The following FAM83G variants were observed in gnomAD, a reference collection of about 807,000 sequenced individuals.
The protein encoded by FAM83G is scaffolding CK1 anchoring protein G.
A neutral mutation model predicts 61.5 loss-of-function variants in FAM83G; 38 were observed. That is an observed-to-expected ratio of 0.62 (90% CI 0.48 to 0.81). The LOEUF is 0.81. Among genes scored for constraint, FAM83G ranks in the 30% least tolerant of loss-of-function variants. FAM83G has a pLI of 0.00. For synonymous variants in FAM83G, 470 were observed against 476.1 expected (o/e 0.99, Z 0.17); for missense variants, 989 against 1,133.6 (o/e 0.87, Z 1.83).
At chr17:18,990,479 G>A (rs1225862353) in intron 2 of FAM83G, among the ~76,000 whole-genome samples, 3 of 152,206 alleles carry the variant, frequency 2.0e-5, no homozygotes, top group South Asian at 2.1e-4. Context: ...TAATGAGGGC[G>A]CAGTAGGCAT....
Position 18,978,670 on chromosome 17 carries a change from G to A in FAM83G, c.996C>T (p.Val332=). ...EPEPIVLPSV[V]PLVPAGTVAK... Reference sequence around the variant, plus strand: ...CCACAGTGCCCGCGGGCACCAGGGGGACCACAGAGGGCAGCACAATAGGCT... The same window carrying A: ...CCACAGTGCCCGCGGGCACCAGGGGAACCACAGAGGGCAGCACAATAGGCT... The change falls in exon 5 of 6, where the codon GTC becomes GTT. Residue 332 remains valine (V), a synonymous_variant. Transcript: ENST00000388995. 6.2e-7 allele frequency: 1 copy of A among 1,613,010 alleles called. No individual in the cohort carries two copies.
intron 4 of FAM83G, 120 bp downstream of exon 4, chr17:18,979,429 G>T: frequency 1.6e-6 from 2 of 1,268,348 alleles, no homozygotes; most frequent in Non-Finnish European, 2.2e-6. Flanking sequence ...CCAGCCCTGC[G>T]CACACCTCAG....
intron 3 of FAM83G, among the ~76,000 whole-genome samples, chr17:18,980,728 G>T (rs1376862642): frequency 6.6e-6 from 1 of 152,140 alleles, no homozygotes; most frequent in Non-Finnish European, 1.5e-5. Context: ...AGGGCATCCC[G>T]AAGTAGAATC....
In FAM83G at chr17:19,003,159, T is replaced by G. The variant is rs745865510; in HGVS notation, c.522+361A>C. Among the ~76,000 whole-genome samples the G allele has an allele frequency of 2.0e-5, 3 of 150,462 alleles. No homozygotes were observed. Among genetic ancestry groups the G allele is most frequent in the African/African-American group, 4.9e-5 (2 of 40,798 alleles). On this transcript the variant is annotated intron_variant, in intron 2 of 5. Transcript: ENST00000388995. The surrounding 1 kb of genome is among the most constrained non-coding windows in gnomAD (Gnocchi z 4.5). ...TCATGGTGTGTGCGCGCCTTTACAG[T>G]GAATCAGAGCCACTCTAAGGGAGAG...
Position 18,983,271 on chromosome 17 carries a change from C to A in FAM83G, c.691-3598G>T, listed in dbSNP as rs866487561. 4.1e-4 allele frequency among the ~76,000 whole-genome samples: 63 copies of A among 152,370 alleles called. No individual in the cohort carries two copies. The Middle Eastern group carries it at 0.01, about 25-fold the overall frequency. On this transcript the variant is annotated intron_variant, in intron 3 of 5. Transcript: ENST00000388995. ...CTCCTTTAATTTCACCCTCACACAA[C>A]CCCGTGAGGCATCACTATGGCCATG...
rs199770299 is a variant in FAM83G at position 18,978,283 on chromosome 17, C to T, written c.1383G>A (p.Leu461=). The change falls in exon 5 of 6, where the codon CTG becomes CTA. Residue 461 remains leucine, a synonymous_variant. Transcript: ENST00000388995. ...DTSQASAQHQ[L]WKQSQDSRPR... is the part of the protein sequence containing the mutation. ...GCCTGCTGTCCTGGCTCTGCTTCCACAGCTGGTGCTGGGCGCTGGCCTGGG... is the reference window on the plus strand; with the variant it reads ...GCCTGCTGTCCTGGCTCTGCTTCCATAGCTGGTGCTGGGCGCTGGCCTGGG... 247 of 1,610,490 alleles carry T rather than the reference C, an allele frequency of 1.5e-4. 1 individual carries two copies. In the East Asian group the frequency reaches 3.1e-3, roughly 20 times the overall value.
At chr17:18,988,528 T>A (rs1032354066) in intron 2 of FAM83G, 114 bp from the exon 3 acceptor site, 2 of 1,517,102 alleles carry the variant, frequency 1.3e-6, no homozygotes, top group Non-Finnish European at 1.8e-6. Flanking sequence ...GTGCCCACTC[T>A]GGCCCTACTC....
intron 5 of FAM83G, among the ~76,000 whole-genome samples, chr17:18,974,944 G>A (rs2042943008): frequency 6.6e-6 from 1 of 152,134 alleles, no homozygotes. Flanking sequence ...AGTCAGGGGT[G>A]GGGAAAGCCC....
chr17:19,004,647 T>C lies in FAM83G; in HGVS notation c.-129+62A>G, dbSNP rs2043830491. ...GGGTCCAGGAGACCCAGAAACGCGG[T>C]TGCGGGGCGGCGACGCCCCGCGAGA... On this transcript the variant is annotated intron_variant, in intron 1 of 5. Transcript: ENST00000388995. This position sits in a 1 kb window ranked among gnomAD's most constrained non-coding sequence, Gnocchi z 5.4. The C allele has an allele frequency of 6.6e-6, 1 of 151,530 alleles. No homozygotes were observed. The highest frequency in any genetic ancestry group is 2.4e-5 in the African/African-American group (1 of 41,292). The allele number at this position is 151,530 out of a possible 1,614,324, so 9.4% of individuals were successfully genotyped here.
intron 2 of FAM83G, among the ~76,000 whole-genome samples, chr17:18,998,308 C>T (rs769847564): frequency 2.6e-5 from 4 of 152,240 alleles, no homozygotes; most frequent in Non-Finnish European, 4.4e-5. Flanking sequence ...CCCCATTTTA[C>T]AAGTGAAGAA....
intron 5 of FAM83G, chr17:18,976,113 C>T (rs943461804): frequency 7.5e-5 from 11 of 146,170 alleles, no homozygotes; most frequent in East Asian, 4.1e-4. Flanking sequence ...GGCGTGAACC[C>T]GGAGGCGGAG....
At chr17:18,973,884 GT>G (rs35778801) in intron 5 of FAM83G, among the ~76,000 whole-genome samples, 2,547 of 95,646 alleles carry the variant, frequency 0.027, 113 homozygotes, top group African/African-American at 0.096. Context: ...TTTTTTTTAA[GT>G]TTTTTTTTTT....
intron 5 of FAM83G, chr17:18,976,208 G>C (rs2042977131): frequency 9.0e-6 from 1 of 111,064 alleles, no homozygotes; most frequent in Non-Finnish European, 1.9e-5. Context: ...TAACTCTTTT[G>C]AAGTAGAATC....
Position 18,971,070 on chromosome 17 carries a change from C to T in FAM83G, c.*289G>A. 1 of 1,614,102 alleles carries T rather than the reference C, an allele frequency of 6.2e-7. No homozygotes were observed. Among genetic ancestry groups the T allele is most frequent in the South Asian group, 1.1e-5 (1 of 91,082 alleles). On this transcript the variant is annotated 3_prime_UTR_variant, in exon 6 of 6. Transcript: ENST00000388995. This position sits in a 1 kb window ranked among gnomAD's most constrained non-coding sequence, Gnocchi z 5.5. Reference sequence around the variant, plus strand: ...GAGGCAGCCTACGCCCAGGCCATTCCCTCCAGGACCATTGCCAACACCACC... The same window carrying T: ...GAGGCAGCCTACGCCCAGGCCATTCTCTCCAGGACCATTGCCAACACCACC...
At position 18,988,227 on chromosome 17, in the gene FAM83G, C is replaced by A; in HGVS notation, c.690+20G>T. On this transcript the variant is annotated intron_variant, in intron 3 of 5. Transcript: ENST00000388995. ...GACCCCTGCCCTCCAGCCACCCAGGCAAGTGAGGAGCCTGCTCACCTTGAG... is the reference window on the plus strand; with the variant it reads ...GACCCCTGCCCTCCAGCCACCCAGGAAAGTGAGGAGCCTGCTCACCTTGAG... 6.2e-7 allele frequency: 1 copy of A among 1,601,560 alleles called. No homozygotes were observed. Among genetic ancestry groups the A allele is most frequent in the Non-Finnish European group, 8.5e-7 (1 of 1,170,268 alleles).
intron 2 of FAM83G, among the ~76,000 whole-genome samples, chr17:18,999,221 T>C (rs1245799814): frequency 1.3e-5 from 2 of 151,322 alleles, no homozygotes; most frequent in African/African-American, 4.9e-5. Flanking sequence ...GAGGTTGCGG[T>C]GAGCAGAGAT....
In FAM83G at chr17:19,003,600, T is replaced by C. The variant is rs763021639; in HGVS notation, c.442A>G (p.Ser148Gly). The C allele has an allele frequency of 6.8e-6, 11 of 1,610,546 alleles. No homozygotes were observed. In the African/African-American group the frequency reaches 1.3e-4, roughly 20 times the overall value. ...TIAYRGVTRASVYMQPPIDGQ... is the reference protein window; with the variant it reads ...TIAYRGVTRAGVYMQPPIDGQ... The stretch of plus-strand genomic sequence containing the variant: ...TCTATGGGGGGCTGCATGTAGACGC[T>C]AGCCCGGGTCACGCCGCGGTAGGCG... The change falls in exon 2 of 6, where the codon AGC becomes GGC. Residue 148 changes from serine (S) to glycine (G), a missense_variant. Ser to Gly is a moderately conservative substitution (Grantham distance 56). Around this residue, in one of 3 missense-constraint regions of FAM83G, gnomAD observed 371 missense variants for 404.5 expected, o/e 0.92. Coordinates refer to ENST00000388995, the MANE Select transcript of FAM83G (RefSeq NM_001039999.3). The surrounding 1 kb of genome is among the most constrained non-coding windows in gnomAD (Gnocchi z 4.5).
chr17:18,986,737 G>A (rs987386670), intron 3 of FAM83G, among the ~76,000 whole-genome samples: 4 of 152,246 alleles, frequency 2.6e-5, no homozygotes, highest in Non-Finnish European at 4.4e-5. Flanking sequence ...CCCTGCTTGC[G>A]TCTGCACGCT....
intron 2 of FAM83G, among the ~76,000 whole-genome samples, chr17:18,997,199 G>A (rs1393975278): frequency 6.6e-6 from 1 of 152,224 alleles, no homozygotes; most frequent in Non-Finnish European, 1.5e-5. Flanking sequence ...TGACCAGGAG[G>A]CTCAGCCTAG....
Sources: allele counts gnomAD v4.1 joint callset (sites outside exome capture counted in the v4.1 genomes callset), GRCh38; gene constraint gnomAD v4.1.1; regional missense constraint gnomAD v4.1.1; non-coding constraint Gnocchi (gnomAD v3.1); transcripts MANE v1.5; gene names NCBI Gene and HGNC (gene_info 2026-07-23, HGNC 2026-07-21).